Variants in TUBAL3 observed in about 807,000 individuals in gnomAD.
The protein encoded by TUBAL3 is tubulin alpha chain-like 3.
In TUBAL3, 16 loss-of-function variants were observed where a neutral mutation model predicts 15.5. The ratio of observed to expected loss-of-function variants is 1.04; its 90% CI spans 0.70 to 1.57. TUBAL3 has a LOEUF of 1.57. Ranked by LOEUF, TUBAL3 falls within the 40% of genes most tolerant of loss-of-function variation. The probability of loss-of-function intolerance (pLI) is 0.00; values close to 1 mark genes in which losing one functional copy is unlikely to be tolerated. For synonymous variants in TUBAL3, 238 were observed against 224.3 expected (o/e 1.06, Z -0.55); for missense variants, 609 against 576.2 (o/e 1.06, Z -0.58).
At chr10:5,400,353 C>A (rs1371885194) in intron 2 of TUBAL3, among the ~76,000 whole-genome samples, 1 of 152,162 alleles carries the variant, frequency 6.6e-6, no homozygotes, top group Admixed American at 6.5e-5. Context: ...TAACCTAGGC[C>A]AAGTGTGGTG....
Position 5,396,023 on chromosome 10 carries a change from C to G in TUBAL3, c.248-548G>C, listed in dbSNP as rs1328860984. 2.0e-5 allele frequency among the ~76,000 whole-genome samples: 3 copies of G among 152,184 alleles called. No individual in the cohort carries two copies. Among genetic ancestry groups the G allele is most frequent in the Admixed American group, 2.0e-4 (3 of 15,280 alleles). On this transcript the variant is annotated intron_variant, in intron 2 of 3. Transcript: ENST00000380419. The surrounding 1 kb of genome is among the most constrained non-coding windows in gnomAD (Gnocchi z 5.1). The stretch of plus-strand genomic sequence containing the variant: ...CTTTAGCATTAGGGCCCACCCTAAT[C>G]CAGGAGGACCTCATTTTAACTAGCT...
At position 5,395,748 on chromosome 10, in the gene TUBAL3, T is replaced by C. The variant is rs1831754865; in HGVS notation, c.248-273A>G. Among the ~76,000 whole-genome samples the C allele has an allele frequency of 6.6e-6, 1 of 152,184 alleles. No homozygotes were observed. Among genetic ancestry groups the C allele is most frequent in the Non-Finnish European group, 1.5e-5 (1 of 68,030 alleles). ...AACCAATGACAACAAACATCATGGC[T>C]TAAAACAATAGGAATTTATTTCCTA... On this transcript the variant is annotated intron_variant, in intron 2 of 3. Coordinates refer to ENST00000380419, the MANE Select transcript of TUBAL3 (RefSeq NM_024803.3). The surrounding 1 kb of genome is among the most constrained non-coding windows in gnomAD (Gnocchi z 4.6).
chr10:5,395,208 A>G lies in TUBAL3; in HGVS notation c.396+119T>C. ...CTCCCCAGTTCTGAGCACCCAGACC[A>G]GAGCCCAGGGAGAGACGGTTGGTGG... On this transcript the variant is annotated intron_variant, in intron 3 of 3. Transcript: ENST00000380419. The surrounding 1 kb of genome is among the most constrained non-coding windows in gnomAD (Gnocchi z 4.6). The G allele has an allele frequency of 8.9e-7, 1 of 1,121,164 alleles. No homozygotes were observed. Among genetic ancestry groups the G allele is most frequent in the Non-Finnish European group, 1.2e-6 (1 of 830,040 alleles). The allele number at this position is 1,121,164 out of a possible 1,614,324, so 69.5% of individuals were successfully genotyped here.
At position 5,401,099 on chromosome 10, in the gene TUBAL3, C is replaced by T; in HGVS notation, c.4-12G>A. ...GAAAGGCACTCCCTCTAAAATAAGT[C>T]ATGGTGAGTTGGAACTGAGCAGGTG... On this transcript the variant is annotated splice_polypyrimidine_tract_variant and intron_variant, in intron 1 of 3. Coordinates refer to ENST00000380419, the MANE Select transcript of TUBAL3 (RefSeq NM_024803.3). 1.9e-6 allele frequency: 3 copies of T among 1,613,636 alleles called. No homozygotes were observed. The highest frequency in any genetic ancestry group is 2.2e-5 in the South Asian group (2 of 91,030).
At position 5,393,719 on chromosome 10, in the gene TUBAL3, C is replaced by T. The variant is rs368080202; in HGVS notation, c.1139G>A (p.Arg380Gln). Reference sequence around the variant, plus strand: ...GGTGTTGCTCAGCATGCAGATGGACCGGTGGACTTTGGCCAGGTCCCCACC... The same window carrying T: ...GGTGTTGCTCAGCATGCAGATGGACTGGTGGACTTTGGCCAGGTCCCCACC... ...MPGGDLAKVH[R>Q]SICMLSNTTA... The change falls in exon 4 of 4, where the codon CGG becomes CAG. Residue 380 changes from arginine (R) to glutamine (Q), a missense_variant. Physicochemically the swap from Arg to Gln is conservative, Grantham distance 43 (BLOSUM62 1). Coordinates refer to ENST00000380419, the MANE Select transcript of TUBAL3 (RefSeq NM_024803.3). 7.4e-5 allele frequency: 120 copies of T among 1,614,198 alleles called. 1 individual carries two copies. The highest frequency in any genetic ancestry group is 1.5e-4 in the South Asian group (14 of 91,078).
Position 5,393,836 on chromosome 10 carries a change from G to C in TUBAL3, c.1022C>G (p.Ala341Gly). 6.2e-7 allele frequency: 1 copy of C among 1,614,212 alleles called. No individual in the cohort carries two copies. The highest frequency in any genetic ancestry group is 1.1e-5 in the South Asian group (1 of 91,088). ...VPKEVNAAIA[A>G]TKSRHSVQFV... ...CTGAACAGAGTGCCTCGACTTCGTG[G>C]CTGCGATTGCTGCATTCACTTCCTT... Residue 341 changes from alanine (A) to glycine (G), a missense_variant, in exon 4 of 4, where the codon GCC becomes GGC. Transcript: ENST00000380419.
Position 5,393,183 on chromosome 10 carries a change from C to G in TUBAL3, c.*334G>C. On this transcript the variant is annotated 3_prime_UTR_variant, in exon 4 of 4. Transcript: ENST00000380419. ...ATTCGTAATCAACATGTGCTGTTTTCTACTTCCGGTACCAGAAAGGAAAAG... is the reference window on the plus strand; with the variant it reads ...ATTCGTAATCAACATGTGCTGTTTTGTACTTCCGGTACCAGAAAGGAAAAG... 1 of 227,608 alleles carries G rather than the reference C, an allele frequency of 4.4e-6. No individual in the cohort carries two copies. The highest frequency in any genetic ancestry group is 8.5e-6 in the Non-Finnish European group (1 of 118,014). 14.1% of individuals were successfully genotyped at this position (227,608 alleles called of 1,614,324 possible).
Position 5,395,405 on chromosome 10 carries a change from A to G in TUBAL3, c.318T>C (p.Ala106=). The G allele has an allele frequency of 6.2e-7, 1 of 1,606,606 alleles. No homozygotes were observed. The highest frequency in any genetic ancestry group is 1.1e-5 in the South Asian group (1 of 90,168). Residue 106 remains alanine (A), a synonymous_variant, in exon 3 of 4, where the codon GCT becomes GCC. Transcript: ENST00000380419. The surrounding 1 kb of genome is among the most constrained non-coding windows in gnomAD (Gnocchi z 4.6). ...PEQLLSGKED[A]ANNYARGRYS... ...AACGGCCTCGCGCGTAATTGTTAGC[A>G]GCATCCTCCTTTCCGCTAAGGAGCT...
At position 5,397,707 on chromosome 10, in the gene TUBAL3, C is replaced by T. The variant is rs114781339; in HGVS notation, c.248-2232G>A. Among the ~76,000 whole-genome samples the T allele has an allele frequency of 1.3e-5, 2 of 152,296 alleles. No individual in the cohort carries two copies. The highest frequency in any genetic ancestry group is 4.8e-5 in the African/African-American group (2 of 41,560). ...GCTTTTGAACAATTACATGATGGCT[C>T]CTTAGCTTCCTTAACTACGGTGTCA... On this transcript the variant is annotated intron_variant, in intron 2 of 3. Coordinates refer to ENST00000380419, the MANE Select transcript of TUBAL3 (RefSeq NM_024803.3). The surrounding 1 kb of genome is among the most constrained non-coding windows in gnomAD (Gnocchi z 4.9).
In TUBAL3 at chr10:5,396,447, G is replaced by A. The variant is rs1302886316; in HGVS notation, c.248-972C>T. On this transcript the variant is annotated intron_variant, in intron 2 of 3. Transcript: ENST00000380419. The surrounding 1 kb of genome is among the most constrained non-coding windows in gnomAD (Gnocchi z 5.1). Reference sequence around the variant, plus strand: ...TCACTTCAACCCAGGAGGTTGCAGTGAGTGGAGATCACGCCATCGCACTCC... The same window carrying A: ...TCACTTCAACCCAGGAGGTTGCAGTAAGTGGAGATCACGCCATCGCACTCC... Among the ~76,000 whole-genome samples the A allele has an allele frequency of 2.0e-5, 3 of 152,170 alleles. No homozygotes were observed. Among genetic ancestry groups the A allele is most frequent in the Non-Finnish European group, 4.4e-5 (3 of 68,034 alleles).
In TUBAL3 at chr10:5,395,198, C is replaced by T; in HGVS notation, c.396+129G>A. 2.0e-6 allele frequency: 2 copies of T among 1,008,570 alleles called. No homozygotes were observed. Among genetic ancestry groups the T allele is most frequent in the South Asian group, 2.6e-5 (1 of 38,788 alleles). The allele number at this position is 1,008,570 out of a possible 1,614,324, so 62.5% of individuals were successfully genotyped here. ...ATGAGAACCCCTCCCCAGTTCTGAG[C>T]ACCCAGACCAGAGCCCAGGGAGAGA... On this transcript the variant is annotated intron_variant, in intron 3 of 3. Coordinates refer to ENST00000380419, the MANE Select transcript of TUBAL3 (RefSeq NM_024803.3). This position sits in a 1 kb window ranked among gnomAD's most constrained non-coding sequence, Gnocchi z 4.6.
intron 1 of TUBAL3, among the ~76,000 whole-genome samples, chr10:5,401,700 T>C (rs1554814655): frequency 2.0e-5 from 3 of 152,012 alleles, no homozygotes; most frequent in Non-Finnish European, 4.4e-5. Context: ...GTAAAAGTTT[T>C]ATAACAAACA....
chr10:5,404,743 G>C, intron 1 of TUBAL3, 47 bp downstream of exon 1: 1 of 1,605,630 alleles, frequency 6.2e-7, no homozygotes, highest in African/African-American at 1.3e-5. Context: ...GGCCAAATAT[G>C]ATTAGTAAAA....
chr10:5,402,814 C>T (rs1330281271), intron 1 of TUBAL3, among the ~76,000 whole-genome samples: 4 of 152,220 alleles, frequency 2.6e-5, no homozygotes, highest in African/African-American at 7.2e-5. Flanking sequence ...TAATGCCTGA[C>T]GATCTGAGGT....
In TUBAL3 at chr10:5,393,643, C is replaced by T. The variant is rs1554813714; in HGVS notation, c.1215G>A (p.Met405Ile). ...AGTGCAGAAATGCTCTCTTGGCGTACATGAGGTCAAACTTGTGGTCCAGGC... is the reference window on the plus strand; with the variant it reads ...AGTGCAGAAATGCTCTCTTGGCGTATATGAGGTCAAACTTGTGGTCCAGGC... ...WARLDHKFDL[M>I]YAKRAFLHWY... The change falls in exon 4 of 4, where the codon ATG becomes ATA. Residue 405 changes from methionine (M) to isoleucine (I), a missense_variant. By Grantham distance (10) the Met-to-Ile change is conservative (BLOSUM62 1). Coordinates refer to ENST00000380419, the MANE Select transcript of TUBAL3 (RefSeq NM_024803.3). 6.2e-7 allele frequency: 1 copy of T among 1,614,200 alleles called. No individual in the cohort carries two copies. Among genetic ancestry groups the T allele is most frequent in the Non-Finnish European group, 8.5e-7 (1 of 1,180,038 alleles).
rs782276382 is a variant in TUBAL3, at chr10:5,395,976, C to A, written c.248-501G>T. Among the ~76,000 whole-genome samples the A allele has an allele frequency of 2.6e-5, 4 of 152,270 alleles. No individual in the cohort carries two copies. Among genetic ancestry groups the A allele is most frequent in the Admixed American group, 2.0e-4 (3 of 15,306 alleles). On this transcript the variant is annotated intron_variant, in intron 2 of 3. Coordinates refer to ENST00000380419, the MANE Select transcript of TUBAL3 (RefSeq NM_024803.3). The surrounding 1 kb of genome is among the most constrained non-coding windows in gnomAD (Gnocchi z 4.6). ...TCCCCTGTATGTGTGTCTGTGCTCT[C>A]TCCTCTGATAAGGACACAATTCTTT...
In TUBAL3 at chr10:5,400,922, C is replaced by G. The variant is rs782639744; in HGVS notation, c.169G>C (p.Asp57His). 1.9e-6 allele frequency: 3 copies of G among 1,614,068 alleles called. No individual in the cohort carries two copies. The African/African-American group carries it at 4.0e-5, about 22-fold the overall frequency. ...GCTCTTGTCTCACAGAAGAAGGTAT[C>G]GAAAGATGCATTTGTGTGCTCCATT... ...AKMEHTNASF[D>H]TFFCETRAGK... The change falls in exon 2 of 4, where the codon GAT (aspartate) becomes CAT (histidine). Residue 57 changes from aspartate to histidine, a missense_variant. Physicochemically the swap from Asp to His is moderately conservative, Grantham distance 81. Coordinates refer to ENST00000380419, the MANE Select transcript of TUBAL3 (RefSeq NM_024803.3).
In TUBAL3 at chr10:5,393,427, A is replaced by G. The variant is rs1386228472; in HGVS notation, c.*90T>C. 5.0e-6 allele frequency: 6 copies of G among 1,196,694 alleles called. No homozygotes were observed. Among genetic ancestry groups the G allele is most frequent in the Non-Finnish European group, 7.0e-6 (6 of 860,718 alleles). 74.1% of individuals were successfully genotyped at this position (1,196,694 alleles called of 1,614,324 possible). Reference sequence around the variant, plus strand: ...CTGATTTGAGTTCATTTTTCTGCTCATCAGGGGAACTACCCACTAGGCATA... The same window carrying G: ...CTGATTTGAGTTCATTTTTCTGCTCGTCAGGGGAACTACCCACTAGGCATA... On this transcript the variant is annotated 3_prime_UTR_variant, in exon 4 of 4. Coordinates refer to ENST00000380419, the MANE Select transcript of TUBAL3 (RefSeq NM_024803.3).
chr10:5,404,778 G>A lies in TUBAL3; in HGVS notation c.3+12C>T, dbSNP rs1554814918. On this transcript the variant is annotated intron_variant, in intron 1 of 3. Transcript: ENST00000380419. ...ATTTCCTACAACAATGCATAGGCGT[G>A]TAGTCACTTACCATGCTGATGAGAA... 2 of 1,613,572 alleles carry A rather than the reference G, an allele frequency of 1.2e-6. No homozygotes were observed. The highest frequency in any genetic ancestry group is 1.7e-5 in the Admixed American group (1 of 59,982).
Sources: allele counts gnomAD v4.1 joint callset (sites outside exome capture counted in the v4.1 genomes callset), GRCh38; gene constraint gnomAD v4.1.1; non-coding constraint Gnocchi (gnomAD v3.1); transcripts MANE v1.5; gene names NCBI Gene and HGNC (gene_info 2026-07-23, HGNC 2026-07-21).